The following ANKRD44 variants were observed in gnomAD, a reference collection of about 807,000 sequenced individuals.
ANKRD44 encodes the protein serine/threonine-protein phosphatase 6 regulatory ankyrin repeat subunit B.
In ANKRD44, 35 loss-of-function variants were observed where a neutral mutation model predicts 116.0. The observed-to-expected ratio is 0.30, with a 90% CI of 0.23 to 0.40. The LOEUF (loss-of-function observed/expected upper bound fraction) is 0.40, where lower values mean the gene tolerates loss of function less well. Among genes scored for constraint, ANKRD44 ranks in the 10% least tolerant of loss-of-function variants. The pLI is 1.00. For missense variants in ANKRD44, 1,014 were observed against 1,242.6 expected (o/e 0.82, Z 2.77); for synonymous variants, 435 against 461.8 (o/e 0.94, Z 0.74).
At chr2:197,255,885 T>C (rs1484991240) in intron 1 of ANKRD44, among the ~76,000 whole-genome samples, 1 of 152,242 alleles carries the variant, frequency 6.6e-6, no homozygotes, top group Admixed American at 6.5e-5. Context: ...AAAGAAATGT[T>C]TAATCACGCA....
At chr2:197,176,133 G>A (rs187517110) in intron 2 of ANKRD44, among the ~76,000 whole-genome samples, 5 of 152,306 alleles carry the variant, frequency 3.3e-5, no homozygotes, top group African/African-American at 1.2e-4. Context: ...AAGGATGGCA[G>A]CACAAAAGGA....
At chr2:196,974,086 C>CT (rs1449481639) in intron 21 of ANKRD44, among the ~76,000 whole-genome samples, 7 of 150,150 alleles carry the variant, frequency 4.7e-5, no homozygotes, top group Non-Finnish European at 8.9e-5. Flanking sequence ...TACTCTCATA[C>CT]TCTTTTTTTT....
At chr2:197,001,938 T>C in intron 21 of ANKRD44, 98 bp from the exon 22 acceptor site, 3 of 800,160 alleles carry the variant, frequency 3.7e-6, no homozygotes, top group Non-Finnish European at 4.0e-6. Context: ...GGTTTATGAA[T>C]TTTCCTGAAT....
chr2:197,164,885 T>C (rs571693176), intron 2 of ANKRD44, among the ~76,000 whole-genome samples: 1 of 152,210 alleles, frequency 6.6e-6, no homozygotes, highest in African/African-American at 2.4e-5. Flanking sequence ...CAGTACATCC[T>C]AGTGGGCCCT....
At chr2:197,195,928 C>T (rs1197429578) in intron 1 of ANKRD44, among the ~76,000 whole-genome samples, 1 of 152,166 alleles carries the variant, frequency 6.6e-6, no homozygotes, top group Non-Finnish European at 1.5e-5. Context: ...CAAACCTAAA[C>T]TTTAGCTAAG....
intron 27 of ANKRD44, among the ~76,000 whole-genome samples, chr2:196,991,981 T>A (rs907425800): frequency 1.3e-5 from 2 of 152,236 alleles, no homozygotes; most frequent in African/African-American, 4.8e-5. Flanking sequence ...CTTGTCATAA[T>A]TAGAACCATG....
At position 197,223,747 on chromosome 2, in the gene ANKRD44, T is replaced by C. The variant is rs138657755; in HGVS notation, c.28-36641A>G. Among the ~76,000 whole-genome samples the C allele has an allele frequency of 4.6e-5, 7 of 152,322 alleles. No homozygotes were observed. In the East Asian group the frequency reaches 1.4e-3, roughly 29 times the overall value. ...TGCAAATAGTTATAACAACTTACAC[T>C]CCCAGGAGCACTGTATGAGGGATCC... On this transcript the variant is annotated intron_variant, in intron 1 of 27. Transcript: ENST00000282272.
At chr2:196,974,983 A>G (rs1366806671) in intron 21 of ANKRD44, among the ~76,000 whole-genome samples, 1 of 152,150 alleles carries the variant, frequency 6.6e-6, no homozygotes, top group East Asian at 1.9e-4. Flanking sequence ...TAACAAAAAT[A>G]AATGAAATAG....
intron 21 of ANKRD44, among the ~76,000 whole-genome samples, chr2:196,973,096 T>C (rs1428140319): frequency 6.6e-6 from 1 of 152,184 alleles, no homozygotes; most frequent in African/African-American, 2.4e-5. Context: ...AGAGTTCCTG[T>C]TTTTCAGCCA....
chr2:197,255,252 T>C (rs1285910501), intron 1 of ANKRD44, among the ~76,000 whole-genome samples: 1 of 152,198 alleles, frequency 6.6e-6, no homozygotes, highest in Non-Finnish European at 1.5e-5. Context: ...CACAGAGCCC[T>C]GTCTATGGGG....
chr2:197,014,811 C>G (rs984701668), intron 17 of ANKRD44, among the ~76,000 whole-genome samples: 1 of 151,602 alleles, frequency 6.6e-6, no homozygotes, highest in Non-Finnish European at 1.5e-5. Flanking sequence ...AAAAATGATG[C>G]TTTGTACCAT....
chr2:196,990,000 G>A, intron 27 of ANKRD44: 1 of 1,048,264 alleles, frequency 9.5e-7, no homozygotes, highest in Non-Finnish European at 1.2e-6. Context: ...AATCACTTAA[G>A]TGAAAATTAG....
chr2:197,053,791 T>G (rs1236822914), intron 16 of ANKRD44, among the ~76,000 whole-genome samples: 1 of 152,172 alleles, frequency 6.6e-6, no homozygotes, highest in Non-Finnish European at 1.5e-5. Flanking sequence ...CCCACTGATC[T>G]CCTTTAAATA....
At chr2:197,210,663 C>A (rs1156916658) in intron 1 of ANKRD44, among the ~76,000 whole-genome samples, 1 of 151,920 alleles carries the variant, frequency 6.6e-6, no homozygotes, top group Non-Finnish European at 1.5e-5. Flanking sequence ...GGATCACCCC[C>A]ACCTGTTGGA....
At chr2:196,983,823 C>T (rs1332978804), downstream of ANKRD44, among the ~76,000 whole-genome samples, 2 of 152,132 alleles carry the variant, frequency 1.3e-5, no homozygotes, top group African/African-American at 4.8e-5. Flanking sequence ...TGACGGTGGG[C>T]CAAGTGCCCC....
intron 21 of ANKRD44, among the ~76,000 whole-genome samples, chr2:196,979,862 A>T (rs908244540): frequency 6.6e-6 from 1 of 152,086 alleles, no homozygotes; most frequent in East Asian, 1.9e-4. Context: ...GTGCCCGGCC[A>T]ATAAGGTGAT....
In ANKRD44 at chr2:197,024,148, T is replaced by C. The variant is rs151040349; in HGVS notation, c.1722+1048A>G. On this transcript the variant is annotated intron_variant, in intron 17 of 27. Coordinates refer to ENST00000282272, the MANE Select transcript of ANKRD44 (RefSeq NM_001195144.2). ...TGCCTGAACACCTCTGCATGTCAAT[T>C]AATAAAACACTCCTCTCTTCTCTCC... Among the ~76,000 whole-genome samples the C allele has an allele frequency of 4.4e-3, 663 of 152,282 alleles. 6 individuals carry two copies. Among genetic ancestry groups the C allele is most frequent in the African/African-American group, 0.015 (631 of 41,550 alleles).
chr2:197,144,494 T>C (rs1326595966), intron 3 of ANKRD44, among the ~76,000 whole-genome samples: 4 of 152,212 alleles, frequency 2.6e-5, no homozygotes, highest in African/African-American at 9.6e-5. Context: ...TTTGGGAAAA[T>C]AAAAGTCAAG....
At position 197,248,759 on chromosome 2, in the gene ANKRD44, G is replaced by A. The variant is rs541354895; in HGVS notation, c.28-61653C>T. On this transcript the variant is annotated intron_variant, in intron 1 of 27. Transcript: ENST00000282272. ...AACATAGGAGGCTCTCTGGGGAGACGAGGGGGAGGAAGTCAAAGCAGGGGT... is the reference window on the plus strand; with the variant it reads ...AACATAGGAGGCTCTCTGGGGAGACAAGGGGGAGGAAGTCAAAGCAGGGGT... Among the ~76,000 whole-genome samples the A allele has an allele frequency of 5.9e-5, 9 of 151,932 alleles. No homozygotes were observed. The South Asian group carries it at 1.2e-3, about 21-fold the overall frequency.
Sources: allele counts gnomAD v4.1 joint callset (sites outside exome capture counted in the v4.1 genomes callset), GRCh38; gene constraint gnomAD v4.1.1; transcripts MANE v1.5; gene names NCBI Gene and HGNC (gene_info 2026-07-23, HGNC 2026-07-21).